The following SH3GLB1 variants were observed in gnomAD, a reference collection of about 807,000 sequenced individuals.
SH3GLB1 encodes endophilin-B1.
A neutral mutation model predicts 42.0 loss-of-function variants in SH3GLB1; 17 were observed. The ratio of observed to expected loss-of-function variants is 0.40; its 90% CI spans 0.28 to 0.61. The LOEUF (loss-of-function observed/expected upper bound fraction) is 0.61. SH3GLB1 is among the 20% of genes least tolerant of loss of function. The probability of loss-of-function intolerance (pLI) is 0.36; values close to 1 mark genes in which losing one functional copy is unlikely to be tolerated. For synonymous variants in SH3GLB1, 132 were observed against 146.6 expected, an observed-to-expected ratio of 0.90 and a Z score of 0.72; for missense variants, 355 against 426.3, an observed-to-expected ratio of 0.83 and a Z score of 1.47.
rs1175215060 is a variant in SH3GLB1, at chr1:86,744,075, T to C, written c.*840T>C. ...ATTGAACAGCAGATTTGTATACAAA[T>C]ACGGAATAATGCAACTACATTATAA... On this transcript the variant is annotated 3_prime_UTR_variant, in exon 9 of 9. Coordinates refer to ENST00000370558, the MANE Select transcript of SH3GLB1 (RefSeq NM_016009.5). 6.6e-6 allele frequency: 1 copy of C among 152,364 alleles called. No individual in the cohort carries two copies. Among genetic ancestry groups the C allele is most frequent in the East Asian group, 1.9e-4 (1 of 5,196 alleles). The allele number at this position is 152,364 out of a possible 1,614,324, so 9.4% of individuals were successfully genotyped here.
At chr1:86,714,292 A>C (rs72961605) in intron 1 of SH3GLB1, among the ~76,000 whole-genome samples, 7,265 of 152,272 alleles carry the variant, frequency 0.048, 422 homozygotes, top group African/African-American at 0.14. Flanking sequence ...CTCTGTTAAG[A>C]ATGAGGTTGC....
At chr1:86,724,085 C>G (rs1246708044) in intron 4 of SH3GLB1, among the ~76,000 whole-genome samples, 3 of 149,804 alleles carry the variant, frequency 2.0e-5, no homozygotes, top group African/African-American at 7.4e-5. Flanking sequence ...TGCCTGCCAT[C>G]TTTCCCAGAC....
At chr1:86,728,461 T>C (rs1280394805) in intron 5 of SH3GLB1, 1 of 1,551,802 alleles carries the variant, frequency 6.4e-7, no homozygotes, top group Non-Finnish European at 8.7e-7. Flanking sequence ...TCTTACATGC[T>C]CAACTTCCTG....
chr1:86,713,302 G>C (rs990201679), intron 1 of SH3GLB1, among the ~76,000 whole-genome samples: 1 of 151,982 alleles, frequency 6.6e-6, no homozygotes, highest in African/African-American at 2.4e-5. Context: ...GGCTGGTCTA[G>C]AACTCCTGAG....
chr1:86,734,385 T>C (rs1416419377), intron 5 of SH3GLB1: 8 of 448,934 alleles, frequency 1.8e-5, no homozygotes, highest in Non-Finnish European at 2.9e-5. Context: ...ACAGATTCTT[T>C]TCAATCAAGT....
In SH3GLB1 at chr1:86,704,888, C is replaced by A. The variant is rs755702864; in HGVS notation, c.-12C>A. ...CGCTAGGTCGGCCGGCTCCGCCCGG[C>A]TGCCGCCTAGGATGAATATCATGGA... On this transcript the variant is annotated 5_prime_UTR_variant, in exon 1 of 9. The change creates a new upstream start codon in the 5' untranslated region. Coordinates refer to ENST00000370558, the MANE Select transcript of SH3GLB1 (RefSeq NM_016009.5). 1.3e-6 allele frequency: 2 copies of A among 1,562,468 alleles called. No individual in the cohort carries two copies. Among genetic ancestry groups the A allele is most frequent in the Admixed American group, 3.7e-5 (2 of 53,954 alleles).
intron 5 of SH3GLB1, among the ~76,000 whole-genome samples, chr1:86,729,670 C>G (rs1460525520): frequency 1.3e-5 from 2 of 151,908 alleles, no homozygotes; most frequent in African/African-American, 4.8e-5. Context: ...TATTATATCT[C>G]CAGCTTATTG....
At chr1:86,727,352 T>C (rs1655254293) in intron 5 of SH3GLB1, among the ~76,000 whole-genome samples, 1 of 151,946 alleles carries the variant, frequency 6.6e-6, no homozygotes, top group African/African-American at 2.4e-5. Context: ...TGAACAAAAA[T>C]ACAGTTTTGA....
At chr1:86,724,082 C>T (rs1655020304) in intron 4 of SH3GLB1, among the ~76,000 whole-genome samples, 1 of 150,316 alleles carries the variant, frequency 6.7e-6, no homozygotes, top group African/African-American at 2.5e-5. Flanking sequence ...CATTGCCTGC[C>T]ATCTTTCCCA....
chr1:86,730,220 T>C (rs924131726), intron 5 of SH3GLB1: 108 of 1,449,616 alleles, frequency 7.5e-5, no homozygotes, highest in Non-Finnish European at 9.2e-5. Flanking sequence ...TCTGTGTTAG[T>C]ATACCTTATA....
intron 1 of SH3GLB1, among the ~76,000 whole-genome samples, chr1:86,707,186 AT>A (rs1653917398): frequency 2.6e-5 from 4 of 152,146 alleles, no homozygotes; most frequent in Non-Finnish European, 5.9e-5. Flanking sequence ...CTTTATTAGT[AT>A]TTTCTAACAT....
chr1:86,730,273 A>G (rs1655432141), intron 5 of SH3GLB1: 1 of 985,364 alleles, frequency 1.0e-6, no homozygotes, highest in Non-Finnish European at 1.2e-6. Flanking sequence ...TTTAGCTAAT[A>G]GAAGCTCCAC....
intron 1 of SH3GLB1, among the ~76,000 whole-genome samples, chr1:86,707,694 G>A (rs1030065443): frequency 5.4e-5 from 8 of 147,136 alleles, no homozygotes; most frequent in Non-Finnish European, 1.0e-4. Context: ...TGTTGCCCAG[G>A]CTGGAGTGCA....
chr1:86,726,329 T>C (rs1655192360), intron 5 of SH3GLB1, among the ~76,000 whole-genome samples: 3 of 152,082 alleles, frequency 2.0e-5, no homozygotes, highest in Admixed American at 6.6e-5. Context: ...GATTTAACAG[T>C]GTACAAAGTC....
intron 7 of SH3GLB1, among the ~76,000 whole-genome samples, chr1:86,737,590 C>T (rs56963668): frequency 0.018 from 2,782 of 152,258 alleles, 43 homozygotes; most frequent in African/African-American, 0.029. Context: ...CTTTATCCAT[C>T]AGAGAAACAT....
At chr1:86,712,884 T>C (rs1425849256) in intron 1 of SH3GLB1, among the ~76,000 whole-genome samples, 1 of 152,182 alleles carries the variant, frequency 6.6e-6, no homozygotes, top group African/African-American at 2.4e-5. Flanking sequence ...CTTTGCTCTG[T>C]TATACTTTCA....
At chr1:86,712,414 A>G (rs1046661554) in intron 1 of SH3GLB1, among the ~76,000 whole-genome samples, 1 of 152,210 alleles carries the variant, frequency 6.6e-6, no homozygotes, top group African/African-American at 2.4e-5. Flanking sequence ...TAGCATGATA[A>G]GACTATGACT....
At chr1:86,710,419 C>T (rs1215068621) in intron 1 of SH3GLB1, among the ~76,000 whole-genome samples, 11 of 152,088 alleles carry the variant, frequency 7.2e-5, no homozygotes, top group Non-Finnish European at 1.5e-4. Context: ...CACGCGCCAC[C>T]GTGCCCGGCT....
intron 5 of SH3GLB1, among the ~76,000 whole-genome samples, chr1:86,730,662 G>A (rs1655459351): frequency 6.6e-6 from 1 of 151,772 alleles, no homozygotes; most frequent in South Asian, 2.1e-4. Context: ...ACCACGCCTG[G>A]CTAATTTTTT....
Sources: gnomAD v4.1 joint callset for allele counts (sites outside exome capture counted in the v4.1 genomes callset) on GRCh38, gnomAD v4.1.1 for gene constraint, MANE v1.5 for transcripts, NCBI Gene and HGNC (gene_info 2026-07-23, HGNC 2026-07-21) for gene names.